The following CDH7 variants were observed in gnomAD, a reference collection of about 807,000 sequenced individuals.
CDH7 encodes the protein cadherin 7, also known as cadherin-7.
Under a neutral mutation model 71.8 loss-of-function variants are expected in CDH7, and 25 were observed. That is an observed-to-expected ratio of 0.35 (90% CI 0.25 to 0.49). The LOEUF is 0.49. Ranked by LOEUF, CDH7 falls within the 20% of genes least tolerant of loss-of-function variation. The pLI, the probability that CDH7 is intolerant of heterozygous loss-of-function variation, is 0.99. For synonymous variants in CDH7, 381 were observed against 363.8 expected (o/e 1.05, Z -0.54); for missense variants, 862 against 974.6 (o/e 0.88, Z 1.54).
chr18:65,846,695 A>G lies in CDH7; in HGVS notation c.1235+2630A>G, dbSNP rs1056774472. 3.3e-5 allele frequency among the ~76,000 whole-genome samples: 5 copies of G among 152,148 alleles called. No individual in the cohort carries two copies. In the East Asian group the frequency reaches 5.8e-4, roughly 18 times the overall value. On this transcript the variant is annotated intron_variant, in intron 7 of 11. Coordinates refer to ENST00000397968, the MANE Select transcript of CDH7 (RefSeq NM_004361.5). The stretch of plus-strand genomic sequence containing the variant: ...GCATTACTCTCACGCATTCTCTGGA[A>G]GACTGGTTCCCTTCCCAGCACTGCT...
chr18:65,822,184 AG>A lies in CDH7; in HGVS notation c.731del (p.Gly244GlufsTer7). On this transcript the variant is annotated frameshift_variant, in exon 5 of 12. Coordinates refer to ENST00000397968, the MANE Select transcript of CDH7 (RefSeq NM_004361.5). LOFTEE classifies it high-confidence loss of function. ...TGGTTGGTCAAAATGGAGGACTGTC[AG>A]GAACTACATCAGTCACTGTGACCCT... ...DMVGQNGGLS[G>X]TTSVTVTLTD... 6.2e-7 allele frequency: 1 copy of A among 1,613,432 alleles called. No homozygotes were observed. Among genetic ancestry groups the A allele is most frequent in the Non-Finnish European group, 8.5e-7 (1 of 1,179,376 alleles).
chr18:65,829,466 T>A (rs200391253), intron 6 of CDH7, among the ~76,000 whole-genome samples: 6 of 144,774 alleles, frequency 4.1e-5, no homozygotes, highest in Admixed American at 6.9e-5. Flanking sequence ...TAGGTAAAAT[T>A]AAAAAAAAAA....
chr18:65,783,241 T>C (rs1910379689), intron 2 of CDH7, among the ~76,000 whole-genome samples: 1 of 152,170 alleles, frequency 6.6e-6, no homozygotes, highest in Non-Finnish European at 1.5e-5. Context: ...TGTTATTAGA[T>C]AATGAATCCA....
intron 1 of CDH7, among the ~76,000 whole-genome samples, chr18:65,758,017 T>C (rs1309567075): frequency 2.0e-5 from 3 of 152,210 alleles, no homozygotes; most frequent in Non-Finnish European, 4.4e-5. Flanking sequence ...TGTGAGGCAA[T>C]ATTTAATCCA....
chr18:65,889,063 C>T lies in CDH7; in HGVS notation c.*8169C>T, dbSNP rs956550851. The T allele has an allele frequency of 2.0e-5, 3 of 151,878 alleles. No homozygotes were observed. Among genetic ancestry groups the T allele is most frequent in the Non-Finnish European group, 4.4e-5 (3 of 67,948 alleles). The allele number at this position is 151,878 out of a possible 1,614,324, so 9.4% of individuals were successfully genotyped here. A position where few individuals can be genotyped will look rare whatever the true frequency, so the allele number is the denominator to read the frequency against. On this transcript the variant is annotated 3_prime_UTR_variant, in exon 12 of 12. Coordinates refer to ENST00000397968, the MANE Select transcript of CDH7 (RefSeq NM_004361.5). ...AATAGAAATATTTATATTGTCATTA[C>T]GATGGCACTTCACCAGTATGTCCTA...
intron 6 of CDH7, among the ~76,000 whole-genome samples, chr18:65,833,927 A>G (rs536720561): frequency 2.6e-5 from 4 of 152,292 alleles, no homozygotes; most frequent in Admixed American, 1.3e-4. Flanking sequence ...GATAGTGATT[A>G]TAGCAGTATT....
At chr18:65,810,208 G>A (rs1911484548) in intron 3 of CDH7, among the ~76,000 whole-genome samples, 1 of 152,060 alleles carries the variant, frequency 6.6e-6, no homozygotes, top group Non-Finnish European at 1.5e-5. Context: ...GGAATATTAG[G>A]AAATTGTTTT....
intron 6 of CDH7, among the ~76,000 whole-genome samples, chr18:65,842,009 CT>C (rs1912751003): frequency 1.3e-5 from 2 of 152,206 alleles, no homozygotes; most frequent in South Asian, 2.1e-4. Context: ...AAAATTAAAA[CT>C]TTTTTGTTCT....
intron 4 of CDH7, among the ~76,000 whole-genome samples, chr18:65,815,686 A>C (rs2143921126): frequency 6.6e-6 from 1 of 152,280 alleles, no homozygotes; most frequent in South Asian, 2.1e-4. Context: ...GGGCTTGGAA[A>C]CCACATGGAA....
intron 2 of CDH7, among the ~76,000 whole-genome samples, chr18:65,773,937 T>A (rs1432782802): frequency 6.6e-6 from 1 of 152,090 alleles, no homozygotes; most frequent in Non-Finnish European, 1.5e-5. Flanking sequence ...CCCACACTAA[T>A]TTTAAATGAA....
At chr18:65,844,743 CATGTGTTT>C in intron 7 of CDH7, among the ~76,000 whole-genome samples, 1 of 151,794 alleles carries the variant, frequency 6.6e-6, no homozygotes, top group East Asian at 1.9e-4. Flanking sequence ...TGTGTGTATG[CATGTGTTT>C]ATGTGTTTGT....
At chr18:65,869,545 A>ATTTTTTTTTTTTTTTTT (rs10696115) in intron 11 of CDH7, among the ~76,000 whole-genome samples, 4 of 91,374 alleles carry the variant, frequency 4.4e-5, no homozygotes, top group Non-Finnish European at 5.8e-5. Context: ...AAGTGGGTCA[A>ATTTTTTTTTTTTTTTTT]TTTTTTTTTT....
chr18:65,871,928 T>A (rs1377605619), intron 11 of CDH7, among the ~76,000 whole-genome samples: 1 of 152,084 alleles, frequency 6.6e-6, no homozygotes, highest in East Asian at 1.9e-4. Context: ...GCTCTTGCCA[T>A]ACAAGAGGCA....
chr18:65,823,938 T>G (rs1259928998), intron 5 of CDH7, among the ~76,000 whole-genome samples: 1 of 151,946 alleles, frequency 6.6e-6, no homozygotes, highest in Non-Finnish European at 1.5e-5. Flanking sequence ...TATTTCTTCA[T>G]CTGCCCCCAA....
intron 8 of CDH7, 80 bp downstream of exon 8, chr18:65,858,032 GTTAA>G (rs1303374235): frequency 6.0e-6 from 8 of 1,343,106 alleles, no homozygotes; most frequent in South Asian, 1.4e-5. Flanking sequence ...GTAAATTCAA[GTTAA>G]TTAAAGTAGT....
chr18:65,849,777 T>A (rs1472002820), intron 7 of CDH7, among the ~76,000 whole-genome samples: 1 of 152,146 alleles, frequency 6.6e-6, no homozygotes, highest in Non-Finnish European at 1.5e-5. Flanking sequence ...AAAGACTTTC[T>A]TAGTTACCTT....
intron 6 of CDH7, among the ~76,000 whole-genome samples, chr18:65,840,231 C>T (rs1211708558): frequency 1.3e-5 from 2 of 152,078 alleles, no homozygotes; most frequent in African/African-American, 2.4e-5. Flanking sequence ...ACTTTGGAAA[C>T]TAATACACCA....
At chr18:65,760,310 A>G (rs1373494152) in intron 1 of CDH7, among the ~76,000 whole-genome samples, 13 of 152,156 alleles carry the variant, frequency 8.5e-5, no homozygotes, top group Admixed American at 6.5e-5. Flanking sequence ...TAACTTATTC[A>G]AGATTACGTA....
chr18:65,797,871 CT>C (rs1169690389), intron 2 of CDH7, among the ~76,000 whole-genome samples: 3 of 152,154 alleles, frequency 2.0e-5, no homozygotes, highest in Non-Finnish European at 4.4e-5. Flanking sequence ...CTCAAACTTC[CT>C]CTGTATTTCT....
Sources: gnomAD v4.1 joint callset for allele counts (sites outside exome capture counted in the v4.1 genomes callset) on GRCh38, gnomAD v4.1.1 for gene constraint, MANE v1.5 for transcripts, NCBI Gene and HGNC (gene_info 2026-07-23, HGNC 2026-07-21) for gene names.